Variants in PLCL2 observed in about 807,000 individuals in gnomAD.
The protein encoded by PLCL2 is inactive phospholipase C-like protein 2.
In PLCL2, 4 loss-of-function variants were observed where a neutral mutation model predicts 79.6. That is an observed-to-expected ratio of 0.05 (90% CI 0.02 to 0.11). The LOEUF is 0.11. Among genes scored for constraint, PLCL2 ranks in the 10% least tolerant of loss-of-function variants. The probability of loss-of-function intolerance (pLI) is 1.00; values close to 1 mark genes in which losing one functional copy is unlikely to be tolerated. For missense variants in PLCL2, 895 were observed against 1,291.0 expected (o/e 0.69, Z 4.70); for synonymous variants, 484 against 457.7 (o/e 1.06, Z -0.73).
chr3:16,974,706 T>A lies in PLCL2; in HGVS notation c.328-34968T>A, dbSNP rs181128048. Among the ~76,000 whole-genome samples the A allele has an allele frequency of 3.0e-4, 46 of 152,330 alleles. 1 individual carries two copies. The highest frequency in any genetic ancestry group is 5.9e-5 in the Non-Finnish European group (4 of 68,030). On this transcript the variant is annotated intron_variant, in intron 1 of 5. Transcript: ENST00000615277. The stretch of plus-strand genomic sequence containing the variant: ...CTTTGTATGTCTCTTGCTGCCACCA[T>A]TAATGGTTTCTGTTTAGGATCATGA...
chr3:16,966,856 A>T (rs1192126708), intron 1 of PLCL2, among the ~76,000 whole-genome samples: 1 of 151,858 alleles, frequency 6.6e-6, no homozygotes, highest in Admixed American at 6.6e-5. Flanking sequence ...TGATGTGCAA[A>T]TTATTTCATT....
At chr3:16,931,772 G>A (rs1697399996) in intron 1 of PLCL2, among the ~76,000 whole-genome samples, 1 of 152,164 alleles carries the variant, frequency 6.6e-6, no homozygotes, top group Non-Finnish European at 1.5e-5. Flanking sequence ...AACTTGATGA[G>A]ATGTTGGATA....
intron 1 of PLCL2, among the ~76,000 whole-genome samples, chr3:16,964,422 G>C (rs1248355730): frequency 6.6e-6 from 1 of 152,070 alleles, no homozygotes; most frequent in Non-Finnish European, 1.5e-5. Context: ...GTCTATCATT[G>C]ATGGGCATTT....
intron 4 of PLCL2, among the ~76,000 whole-genome samples, chr3:17,056,394 G>C (rs955346681): frequency 2.6e-5 from 4 of 151,900 alleles, no homozygotes; most frequent in African/African-American, 9.7e-5. Flanking sequence ...TATCTCTAAG[G>C]CTTTTCCAGC....
chr3:16,919,163 A>G (rs1697065094), intron 1 of PLCL2, among the ~76,000 whole-genome samples: 1 of 152,140 alleles, frequency 6.6e-6, no homozygotes, highest in Admixed American at 6.6e-5. Context: ...ATTTAATAGG[A>G]AATAGTACAG....
intron 3 of PLCL2, among the ~76,000 whole-genome samples, chr3:17,027,556 T>A (rs1436071275): frequency 1.2e-4 from 18 of 152,224 alleles, no homozygotes; most frequent in Admixed American, 1.2e-3. Flanking sequence ...TGGGTAAAAG[T>A]CCTTAGGGTA....
Position 16,962,335 on chromosome 3 carries a change from C to A in PLCL2, c.328-47339C>A, listed in dbSNP as rs1428462580. On this transcript the variant is annotated intron_variant, in intron 1 of 5. Coordinates refer to ENST00000615277, the MANE Select transcript of PLCL2 (RefSeq NM_001144382.2). The stretch of plus-strand genomic sequence containing the variant: ...AGATGCCTCTCTCCTTGAGTGATGA[C>A]CAACCTTTGCTGCTTAGCCTGCCCC... Among the ~76,000 whole-genome samples, 7 of 152,092 alleles carry A rather than the reference C, an allele frequency of 4.6e-5. No homozygotes were observed. The East Asian group carries it at 9.7e-4, about 21-fold the overall frequency.
chr3:16,890,855 C>T (rs1017680297), intron 1 of PLCL2, among the ~76,000 whole-genome samples: 4 of 152,210 alleles, frequency 2.6e-5, no homozygotes, highest in Non-Finnish European at 4.4e-5. Flanking sequence ...TTCTTTGTAT[C>T]AGAGTAATTC....
chr3:17,078,635 C>A lies in PLCL2; in HGVS notation c.3204+10570C>A, dbSNP rs73151381. Among the ~76,000 whole-genome samples the A allele has an allele frequency of 7.6e-3, 1,158 of 152,220 alleles. 19 individuals are homozygous for A. Among genetic ancestry groups the A allele is most frequent in the African/African-American group, 0.027 (1,108 of 41,510 alleles). ...TTAGAGATTCATTCTCTTTAGGAAC[C>A]TAAAACTTCTGCCAAAACATAAATC... On this transcript the variant is annotated intron_variant, in intron 5 of 5. Transcript: ENST00000615277.
At chr3:17,022,915 C>T (rs954898944) in intron 3 of PLCL2, among the ~76,000 whole-genome samples, 1 of 152,142 alleles carries the variant, frequency 6.6e-6, no homozygotes, top group Non-Finnish European at 1.5e-5. Flanking sequence ...TTACGTTATT[C>T]GTTTTGGACT....
At chr3:17,001,383 T>C (rs781765801) in intron 1 of PLCL2, among the ~76,000 whole-genome samples, 6 of 152,164 alleles carry the variant, frequency 3.9e-5, no homozygotes, top group Non-Finnish European at 5.9e-5. Flanking sequence ...CATTTATTTA[T>C]TTTTGTTTTT....
At chr3:16,931,026 G>A (rs1484452097) in intron 1 of PLCL2, among the ~76,000 whole-genome samples, 1 of 151,900 alleles carries the variant, frequency 6.6e-6, no homozygotes, top group Non-Finnish European at 1.5e-5. Flanking sequence ...AATGCCTTCT[G>A]CTTGGAAGAT....
At chr3:16,917,780 T>C (rs926078178) in intron 1 of PLCL2, among the ~76,000 whole-genome samples, 1 of 152,160 alleles carries the variant, frequency 6.6e-6, no homozygotes, top group Admixed American at 6.5e-5. Flanking sequence ...AAGTGATTCA[T>C]AGACCAGCAC....
chr3:16,976,247 G>A (rs923235433), intron 1 of PLCL2, among the ~76,000 whole-genome samples: 2 of 152,070 alleles, frequency 1.3e-5, no homozygotes, highest in Admixed American at 6.6e-5. Flanking sequence ...GAGAGGGGTT[G>A]GGGAACATGG....
intron 5 of PLCL2, among the ~76,000 whole-genome samples, chr3:17,082,023 ACCAGACACCC>A (rs2065166952): frequency 1.3e-5 from 2 of 152,126 alleles, no homozygotes; most frequent in Non-Finnish European, 2.9e-5. Context: ...AGTCTTCAAA[ACCAGACACCC>A]TGTGTCAGTG....
intron 4 of PLCL2, among the ~76,000 whole-genome samples, chr3:17,055,212 A>G (rs2064880539): frequency 6.6e-6 from 1 of 152,312 alleles, no homozygotes; most frequent in East Asian, 1.9e-4. Context: ...TTTGAAATCC[A>G]CAGCATCTTT....
In PLCL2 at chr3:16,886,618, A is replaced by G. The variant is rs529914016; in HGVS notation, c.327+1252A>G. Among the ~76,000 whole-genome samples the G allele has an allele frequency of 6.6e-6, 1 of 152,308 alleles. No homozygotes were observed. Among genetic ancestry groups the G allele is most frequent in the East Asian group, 1.9e-4 (1 of 5,188 alleles). On this transcript the variant is annotated intron_variant, in intron 1 of 5. Coordinates refer to ENST00000615277, the MANE Select transcript of PLCL2 (RefSeq NM_001144382.2). The surrounding 1 kb of genome is among the most constrained non-coding windows in gnomAD (Gnocchi z 4.2). ...GCAGTTTATGTCTGGGCAAGGACAC[A>G]ATTTGAAGGGTTTGGAGATGAAGTG...
intron 1 of PLCL2, among the ~76,000 whole-genome samples, chr3:16,915,892 A>T (rs1382083705): frequency 6.6e-6 from 1 of 152,228 alleles, no homozygotes; most frequent in South Asian, 2.1e-4. Context: ...CATTCAGCTT[A>T]CATTTCAGAA....
At chr3:17,019,185 A>G (rs1383468333) in intron 3 of PLCL2, among the ~76,000 whole-genome samples, 3 of 152,246 alleles carry the variant, frequency 2.0e-5, no homozygotes, top group Non-Finnish European at 4.4e-5. Flanking sequence ...AGGCTATTGC[A>G]AGATGAGTTC....
Sources: allele counts gnomAD v4.1 joint callset (sites outside exome capture counted in the v4.1 genomes callset), GRCh38; gene constraint gnomAD v4.1.1; non-coding constraint Gnocchi (gnomAD v3.1); transcripts MANE v1.5; gene names NCBI Gene and HGNC (gene_info 2026-07-23, HGNC 2026-07-21).